CMC2: variants seen among roughly 807,000 people sequenced by gnomAD.
The protein encoded by CMC2 is COX assembly mitochondrial protein 2 homolog.
Under a neutral mutation model 7.5 loss-of-function variants are expected in CMC2, and 5 were observed. The ratio of observed to expected loss-of-function variants is 0.66; its 90% CI spans 0.35 to 1.40. The LOEUF (loss-of-function observed/expected upper bound fraction) is 1.40. Ranked by LOEUF, CMC2 falls within the 40% of genes most tolerant of loss-of-function variation. The pLI, the probability that CMC2 is intolerant of heterozygous loss-of-function variation, is 0.04. For synonymous variants in CMC2, 37 were observed against 31.4 expected, an observed-to-expected ratio of 1.18 and a Z score of -0.60; for missense variants, 115 against 92.3, an observed-to-expected ratio of 1.25 and a Z score of -1.01.
intron 2 of CMC2, among the ~76,000 whole-genome samples, chr16:80,992,823 C>T (rs13331285): frequency 0.12 from 18,352 of 151,536 alleles, 1,666 homozygotes; most frequent in African/African-American, 0.25. Flanking sequence ...TTCCAAGTAG[C>T]TAGGACTACA....
chr16:80,996,345 T>C (rs1697099457), intron 2 of CMC2, among the ~76,000 whole-genome samples: 1 of 152,240 alleles, frequency 6.6e-6, no homozygotes, highest in Non-Finnish European at 1.5e-5. Flanking sequence ...ACTGACCATA[T>C]ACAAATTGAA....
chr16:80,981,689 G>A (rs147285087), intron 3 of CMC2, 117 bp downstream of exon 3: 178 of 637,648 alleles, frequency 2.8e-4, no homozygotes, highest in African/African-American at 2.5e-3. Flanking sequence ...TACATGTAAA[G>A]TCAATTTTCT....
In CMC2 at chr16:80,997,122, A is replaced by G. The variant is rs577579007; in HGVS notation, c.81+192T>C. 2.8e-4 allele frequency: 168 copies of G among 590,854 alleles called. 1 individual carries two copies. The South Asian group carries it at 3.1e-3, about 11-fold the overall frequency. The allele number at this position is 590,854 out of a possible 1,614,324, so 36.6% of individuals were successfully genotyped here. On this transcript the variant is annotated intron_variant, in intron 2 of 3. Transcript: ENST00000219400. ...TAACAAACTACCATGTCTGATTTTT[A>G]CTAATCATAAAAGGAGGTAGTTTGT...
At chr16:80,998,987 T>C (rs887544708) in intron 1 of CMC2, 6 of 152,128 alleles carry the variant, frequency 3.9e-5, no homozygotes, top group Non-Finnish European at 5.9e-5. Flanking sequence ...GCCAACATCA[T>C]ACTGAACAGG....
intron 1 of CMC2, among the ~76,000 whole-genome samples, chr16:81,001,531 G>A (rs1968865620): frequency 6.6e-6 from 1 of 152,090 alleles, no homozygotes; most frequent in African/African-American, 2.4e-5. Flanking sequence ...AAAGTATTAT[G>A]GAGATGGACG....
chr16:80,989,564 A>G (rs1279384117), intron 2 of CMC2, among the ~76,000 whole-genome samples: 4 of 152,198 alleles, frequency 2.6e-5, no homozygotes, highest in African/African-American at 9.6e-5. Flanking sequence ...CCCTACAATC[A>G]GTCATTTCTC....
intron 2 of CMC2, among the ~76,000 whole-genome samples, chr16:80,988,061 G>C (rs1218177325): frequency 6.6e-6 from 1 of 152,026 alleles, no homozygotes; most frequent in Non-Finnish European, 1.5e-5. Flanking sequence ...GCACACACCT[G>C]TACTCCCATC....
At chr16:80,986,318 C>G (rs1239620712) in intron 2 of CMC2, among the ~76,000 whole-genome samples, 1 of 152,062 alleles carries the variant, frequency 6.6e-6, no homozygotes, top group Non-Finnish European at 1.5e-5. Flanking sequence ...CCACTACACT[C>G]CAGCCTGGGC....
chr16:81,001,622 T>C (rs1968873471), intron 1 of CMC2, among the ~76,000 whole-genome samples: 1 of 152,196 alleles, frequency 6.6e-6, no homozygotes, highest in Non-Finnish European at 1.5e-5. Flanking sequence ...GTAAATTTTA[T>C]GTTACGTGCA....
rs1056191879 is a variant in CMC2 at position 80,974,448 on chromosome 16, A to T, written c.*1645T>A. The T allele has an allele frequency of 6.6e-6, 1 of 152,232 alleles. No individual in the cohort carries two copies. Among genetic ancestry groups the T allele is most frequent in the Non-Finnish European group, 1.5e-5 (1 of 68,044 alleles). The allele number at this position is 152,232 out of a possible 1,614,324, so 9.4% of individuals were successfully genotyped here. On this transcript the variant is annotated 3_prime_UTR_variant, in exon 4 of 4. Coordinates refer to ENST00000219400, the MANE Select transcript of CMC2 (RefSeq NM_020188.5). ...ATTAAAACCTGCAACTGGTCATCAC[A>T]GCACTGAAAATAAAATTCCAACAGA...
intron 1 of CMC2, chr16:80,997,868 A>G (rs990747541): frequency 1.3e-5 from 2 of 152,362 alleles, no homozygotes; most frequent in East Asian, 1.9e-4. Context: ...TTAGTCTCAT[A>G]TTAGTGTGAA....
At chr16:81,002,227 C>G (rs1003512081) in intron 1 of CMC2, among the ~76,000 whole-genome samples, 9 of 152,122 alleles carry the variant, frequency 5.9e-5, no homozygotes, top group Non-Finnish European at 1.3e-4. Context: ...GAGTTCAAGA[C>G]CAACCTGGCC....
rs1245956568 is a variant in CMC2 at position 80,971,320 on chromosome 16, T to C, written c.*4773A>G. The C allele has an allele frequency of 6.6e-6, 1 of 151,858 alleles. No individual in the cohort carries two copies. The highest frequency in any genetic ancestry group is 1.5e-5 in the Non-Finnish European group (1 of 67,992). 9.4% of individuals were successfully genotyped at this position (151,858 alleles called of 1,614,324 possible). ...TAAGAACGTTCATTGAAGTTTACAA[T>C]AGCAAAGACTGGATATCTAAGTGAC... On this transcript the variant is annotated 3_prime_UTR_variant, in exon 4 of 4. Transcript: ENST00000219400.
intron 1 of CMC2, chr16:81,001,401 G>C (rs2151652790): frequency 6.6e-6 from 1 of 152,182 alleles, no homozygotes; most frequent in East Asian, 1.9e-4. Flanking sequence ...CTTATACGAG[G>C]CACCTAAAGT....
rs1428370886 is a variant in CMC2, at chr16:80,971,715, T to G, written c.*4378A>C. On this transcript the variant is annotated 3_prime_UTR_variant, in exon 4 of 4. Coordinates refer to ENST00000219400, the MANE Select transcript of CMC2 (RefSeq NM_020188.5). ...GCTTGGGGTGACAAACACAGGAGGC[T>G]TTACCCACTTTTGTATTATTATTTT... The G allele has an allele frequency of 1.3e-5, 2 of 151,398 alleles. No homozygotes were observed. Among genetic ancestry groups the G allele is most frequent in the South Asian group, 4.1e-4 (2 of 4,820 alleles). 9.4% of individuals were successfully genotyped at this position (151,398 alleles called of 1,614,324 possible).
intron 1 of CMC2, 34 bp downstream of exon 1, chr16:81,006,700 C>G: frequency 2.0e-6 from 2 of 985,248 alleles, no homozygotes; most frequent in South Asian, 4.7e-5. Context: ...AACAACGGAA[C>G]GCGTTCGGAA....
At chr16:81,006,701 G>T in intron 1 of CMC2, 33 bp downstream of exon 1, 5 of 985,192 alleles carry the variant, frequency 5.1e-6, no homozygotes, top group Non-Finnish European at 6.0e-6. Context: ...ACAACGGAAC[G>T]CGTTCGGAAC....
Position 80,997,304 on chromosome 16 carries a change from G to GT in CMC2, c.81+9_81+10insA. ...ATTTTGGCTGTACAGTCGTTTTTCTGAACTCTTACATTTTTGTGACATTCC... is the reference window on the plus strand; with the variant it reads ...ATTTTGGCTGTACAGTCGTTTTTCTGTAACTCTTACATTTTTGTGACATTCC... On this transcript the variant is annotated intron_variant, in intron 2 of 3. Coordinates refer to ENST00000219400, the MANE Select transcript of CMC2 (RefSeq NM_020188.5). 1 of 925,844 alleles carries GT rather than the reference G, an allele frequency of 1.1e-6. No homozygotes were observed. The highest frequency in any genetic ancestry group is 1.7e-6 in the Non-Finnish European group (1 of 586,824). 57.4% of individuals were successfully genotyped at this position (925,844 alleles called of 1,614,324 possible). A position where few individuals can be genotyped will look rare whatever the true frequency, so the allele number is the denominator to read the frequency against.
At chr16:81,000,053 T>A (rs568122388) in intron 1 of CMC2, among the ~76,000 whole-genome samples, 6 of 151,868 alleles carry the variant, frequency 4.0e-5, no homozygotes, top group Admixed American at 1.3e-4. Flanking sequence ...TAATTAAAGA[T>A]CTCAAAACAG....
Sources: allele counts gnomAD v4.1 joint callset (sites outside exome capture counted in the v4.1 genomes callset), GRCh38; gene constraint gnomAD v4.1.1; transcripts MANE v1.5; gene names NCBI Gene and HGNC (gene_info 2026-07-23, HGNC 2026-07-21).